OSBPL3: variants seen among roughly 807,000 people sequenced by gnomAD.
OSBPL3 encodes oxysterol-binding protein-related protein 3.
In OSBPL3, 65 loss-of-function variants were observed where a neutral mutation model predicts 120.1. The observed-to-expected ratio is 0.54, with a 90% CI of 0.44 to 0.67. The LOEUF is 0.67. OSBPL3 is among the 30% of genes least tolerant of loss of function. OSBPL3 has a pLI of 0.00. For synonymous variants in OSBPL3, 416 were observed against 402.6 expected (o/e 1.03, Z -0.40); for missense variants, 1,004 against 1,082.1 (o/e 0.93, Z 1.01).
At chr7:24,906,415 C>T in intron 1 of OSBPL3, 1 of 247,356 alleles carries the variant, frequency 4.0e-6, no homozygotes, top group Non-Finnish European at 8.3e-6. Flanking sequence ...GTAGGAGGAA[C>T]CTTTCCTTGT....
chr7:24,809,564 G>A (rs1393713407), intron 20 of OSBPL3, among the ~76,000 whole-genome samples: 1 of 152,140 alleles, frequency 6.6e-6, no homozygotes. Context: ...CCATGGATTA[G>A]CAATGCTTGT....
At chr7:24,908,800 G>A (rs1318201674) in intron 1 of OSBPL3, among the ~76,000 whole-genome samples, 1 of 152,152 alleles carries the variant, frequency 6.6e-6, no homozygotes, top group Admixed American at 6.5e-5. Flanking sequence ...TCTGCCGGTT[G>A]TTCTCTAGCC....
chr7:24,832,252 C>G (rs1796467884), intron 15 of OSBPL3, among the ~76,000 whole-genome samples: 2 of 149,994 alleles, frequency 1.3e-5, no homozygotes, highest in African/African-American at 2.5e-5. Flanking sequence ...TAGCTCACAC[C>G]TGTAATCTCA....
chr7:24,951,802 C>A (rs530470523), intron 1 of OSBPL3, among the ~76,000 whole-genome samples: 11 of 152,306 alleles, frequency 7.2e-5, no homozygotes, highest in African/African-American at 2.4e-4. Flanking sequence ...TAAACAAACA[C>A]AAACAGGGAC....
At position 24,979,916 on chromosome 7, in the gene OSBPL3, A is replaced by G. The variant is rs1428124534; in HGVS notation, c.-180T>C. ...CGCTGTGCAGCCGGAGACGCTCCCTAGTTCCCCGGGGCCGGGCTCCGGGGT... is the reference window on the plus strand; with the variant it reads ...CGCTGTGCAGCCGGAGACGCTCCCTGGTTCCCCGGGGCCGGGCTCCGGGGT... On this transcript the variant is annotated 5_prime_UTR_variant, in exon 1 of 23. Coordinates refer to ENST00000313367, the MANE Select transcript of OSBPL3 (RefSeq NM_015550.4). 1.0e-6 allele frequency: 1 copy of G among 970,406 alleles called. No homozygotes were observed. Among genetic ancestry groups the G allele is most frequent in the Non-Finnish European group, 1.2e-6 (1 of 822,524 alleles). The allele number at this position is 970,406 out of a possible 1,614,324, so 60.1% of individuals were successfully genotyped here.
At chr7:24,909,238 T>C (rs1203459165) in intron 1 of OSBPL3, among the ~76,000 whole-genome samples, 1 of 151,956 alleles carries the variant, frequency 6.6e-6, no homozygotes, top group Non-Finnish European at 1.5e-5. Context: ...AACTCTCGAG[T>C]TTTAATGTGG....
At chr7:24,908,162 T>A (rs909935469) in intron 1 of OSBPL3, among the ~76,000 whole-genome samples, 1 of 152,236 alleles carries the variant, frequency 6.6e-6, no homozygotes, top group Non-Finnish European at 1.5e-5. Flanking sequence ...CAAAGCATCC[T>A]TCTTTGGGGA....
chr7:24,958,335 T>C (rs113681924), intron 1 of OSBPL3, among the ~76,000 whole-genome samples: 1 of 152,200 alleles, frequency 6.6e-6, no homozygotes, highest in African/African-American at 2.4e-5. Flanking sequence ...TTTGGCTTTT[T>C]TTGATTGATA....
intron 1 of OSBPL3, among the ~76,000 whole-genome samples, chr7:24,976,493 A>C (rs1387698772): frequency 2.6e-5 from 4 of 152,170 alleles, no homozygotes; most frequent in Non-Finnish European, 4.4e-5. Context: ...CACTGAGACA[A>C]GAGTTAGGGT....
At chr7:24,931,135 G>T (rs1225610027) in intron 1 of OSBPL3, among the ~76,000 whole-genome samples, 1 of 152,172 alleles carries the variant, frequency 6.6e-6, no homozygotes, top group Non-Finnish European at 1.5e-5. Context: ...TTTCTAAAAG[G>T]AGGTATTCAT....
In OSBPL3 at chr7:24,896,519, G is replaced by A. The variant is rs527456769; in HGVS notation, c.-149-3898C>T. ...GAATGGGGAAGAATAAATGACCAAC[G>A]CACTGTCAAGTATTTTGGCAACAAA... On this transcript the variant is annotated intron_variant, in intron 1 of 22. Transcript: ENST00000313367. This position sits in a 1 kb window ranked among gnomAD's most constrained non-coding sequence, Gnocchi z 4.4. 9.9e-5 allele frequency among the ~76,000 whole-genome samples: 15 copies of A among 152,276 alleles called. No individual in the cohort carries two copies. The highest frequency in any genetic ancestry group is 3.4e-4 in the African/African-American group (14 of 41,560).
Position 24,849,419 on chromosome 7 carries a change from T to C in OSBPL3, c.1159-243A>G, listed in dbSNP as rs2128222901. ...TCTTTTTCTTTTCTCATTCCAGACA[T>C]GGAGGGAGGGTTGGTAAGTGCAACA... On this transcript the variant is annotated intron_variant, in intron 11 of 22. Coordinates refer to ENST00000313367, the MANE Select transcript of OSBPL3 (RefSeq NM_015550.4). The surrounding 1 kb of genome is among the most constrained non-coding windows in gnomAD (Gnocchi z 5.4). 6.6e-6 allele frequency: 2 copies of C among 301,742 alleles called. No homozygotes were observed. Among genetic ancestry groups the C allele is most frequent in the Middle Eastern group, 1.1e-3 (1 of 946 alleles). 18.7% of individuals were successfully genotyped at this position (301,742 alleles called of 1,614,324 possible).
At chr7:24,888,024 A>G (rs1314906081) in intron 2 of OSBPL3, among the ~76,000 whole-genome samples, 1 of 152,238 alleles carries the variant, frequency 6.6e-6, no homozygotes, top group Non-Finnish European at 1.5e-5. Context: ...GCATTTTATT[A>G]ATGTGTAGAG....
In OSBPL3 at chr7:24,940,788, C is replaced by T. The variant is rs1420499135; in HGVS notation, c.-150+39098G>A. Among the ~76,000 whole-genome samples, 2 of 151,638 alleles carry T rather than the reference C, an allele frequency of 1.3e-5. No homozygotes were observed. Among genetic ancestry groups the T allele is most frequent in the African/African-American group, 4.8e-5 (2 of 41,306 alleles). On this transcript the variant is annotated intron_variant, in intron 1 of 22. Coordinates refer to ENST00000313367, the MANE Select transcript of OSBPL3 (RefSeq NM_015550.4). This position sits in a 1 kb window ranked among gnomAD's most constrained non-coding sequence, Gnocchi z 4.4. Reference sequence around the variant, plus strand: ...AAACCAAAGCTCACACTTCCCACATCGCTCTTCTTAACATTTCTTCCTTTT... The same window carrying T: ...AAACCAAAGCTCACACTTCCCACATTGCTCTTCTTAACATTTCTTCCTTTT...
At chr7:24,861,859 A>G (rs1800586497) in intron 9 of OSBPL3, 90 bp from the exon 10 acceptor site, 1 of 890,678 alleles carries the variant, frequency 1.1e-6, no homozygotes, top group Admixed American at 2.8e-5. Context: ...TGGTAATACA[A>G]ATACAAAACA....
At chr7:24,888,204 T>A (rs544604674) in intron 2 of OSBPL3, among the ~76,000 whole-genome samples, 4 of 152,206 alleles carry the variant, frequency 2.6e-5, no homozygotes, top group African/African-American at 9.6e-5. Context: ...CTTTCACAAA[T>A]AAGACTTGAA....
At chr7:24,845,647 A>C (rs1369209671) in intron 12 of OSBPL3, among the ~76,000 whole-genome samples, 1 of 144,722 alleles carries the variant, frequency 6.9e-6, no homozygotes, top group Non-Finnish European at 1.5e-5. Context: ...GACACACATC[A>C]CTTTTTCCTA....
Position 24,842,429 on chromosome 7 carries a change from A to G in OSBPL3, c.1267-16T>C. 6.3e-7 allele frequency: 1 copy of G among 1,575,938 alleles called. No homozygotes were observed. The stretch of plus-strand genomic sequence containing the variant: ...TGGAGTTTTCCTATTTGAAGAACAA[A>G]ACCAAAAATGTATACATTTAAAAAC... On this transcript the variant is annotated splice_polypyrimidine_tract_variant and intron_variant, in intron 12 of 22. Coordinates refer to ENST00000313367, the MANE Select transcript of OSBPL3 (RefSeq NM_015550.4).
Position 24,834,226 on chromosome 7 carries a change from A to C in OSBPL3, c.1746+260T>G. 1 of 1,197,452 alleles carries C rather than the reference A, an allele frequency of 8.4e-7. No homozygotes were observed. The highest frequency in any genetic ancestry group is 1.0e-6 in the Non-Finnish European group (1 of 954,692). 74.2% of individuals were successfully genotyped at this position (1,197,452 alleles called of 1,614,324 possible). A position where few individuals can be genotyped will look rare whatever the true frequency, so the allele number is the denominator to read the frequency against. On this transcript the variant is annotated intron_variant, in intron 15 of 22. Transcript: ENST00000313367. This position sits in a 1 kb window ranked among gnomAD's most constrained non-coding sequence, Gnocchi z 5.2. Reference sequence around the variant, plus strand: ...GCCAGAAGGCTTCTGGAGAAAGAGGAAGCACAAACCCACAGAACAGAACTA... The same window carrying C: ...GCCAGAAGGCTTCTGGAGAAAGAGGCAGCACAAACCCACAGAACAGAACTA...
Sources: gnomAD v4.1 joint callset for allele counts (sites outside exome capture counted in the v4.1 genomes callset) on GRCh38, gnomAD v4.1.1 for gene constraint, Gnocchi (gnomAD v3.1) non-coding constraint, MANE v1.5 for transcripts, NCBI Gene and HGNC (gene_info 2026-07-23, HGNC 2026-07-21) for gene names.